The following PRKN variants were observed in gnomAD, a reference collection of about 807,000 sequenced individuals.
PRKN encodes E3 ubiquitin-protein ligase parkin.
Under a neutral mutation model 59.5 loss-of-function variants are expected in PRKN, and 56 were observed. The observed-to-expected ratio is 0.94, with a 90% CI of 0.76 to 1.18. The LOEUF (loss-of-function observed/expected upper bound fraction) is 1.18. Ranked by LOEUF, PRKN falls within the 50% of genes most tolerant of loss-of-function variation. The probability of loss-of-function intolerance (pLI) is 0.00; values close to 1 mark genes in which losing one functional copy is unlikely to be tolerated. For missense variants in PRKN, 657 were observed against 596.4 expected (o/e 1.10, Z -1.06); for synonymous variants, 250 against 222.1 (o/e 1.13, Z -1.12).
At chr6:162,590,161 T>C (rs182315936) in intron 1 of PRKN, among the ~76,000 whole-genome samples, 2 of 152,322 alleles carry the variant, frequency 1.3e-5, no homozygotes, top group East Asian at 3.9e-4. Flanking sequence ...ATAAAATTTA[T>C]ATGTTTTTAA....
chr6:162,704,920 T>G (rs960395587), intron 1 of PRKN, among the ~76,000 whole-genome samples: 1 of 152,178 alleles, frequency 6.6e-6, no homozygotes, highest in Non-Finnish European at 1.5e-5. Context: ...AGTCAAATAA[T>G]TTTGCTGCAT....
chr6:161,430,103 T>C (rs1788571403), intron 9 of PRKN, among the ~76,000 whole-genome samples: 1 of 152,222 alleles, frequency 6.6e-6, no homozygotes. Flanking sequence ...TTAGGGAATC[T>C]GAGTCTTTTA....
intron 5 of PRKN, among the ~76,000 whole-genome samples, chr6:162,028,796 G>C (rs905444707): frequency 5.9e-5 from 9 of 152,322 alleles, no homozygotes; most frequent in Admixed American, 4.6e-4. Context: ...GCAAAGCCAA[G>C]AGGGTGGCGT....
chr6:161,611,652 C>T (rs1316828494), intron 7 of PRKN, among the ~76,000 whole-genome samples: 2 of 152,138 alleles, frequency 1.3e-5, no homozygotes, highest in Non-Finnish European at 2.9e-5. Context: ...CCTGTCTTGC[C>T]CCTTCTCCTC....
At chr6:162,542,757 G>A (rs1354282696) in intron 1 of PRKN, among the ~76,000 whole-genome samples, 1 of 152,158 alleles carries the variant, frequency 6.6e-6, no homozygotes, top group Non-Finnish European at 1.5e-5. Context: ...CTTCCCTACT[G>A]ACTTGGAAGC....
intron 4 of PRKN, among the ~76,000 whole-genome samples, chr6:162,082,065 G>A (rs749854530): frequency 4.2e-4 from 64 of 152,184 alleles, no homozygotes; most frequent in Non-Finnish European, 7.1e-4. Context: ...GATCTGGTTT[G>A]GCTGTGTCCC....
chr6:161,381,537 G>T (rs1785985189), intron 10 of PRKN, among the ~76,000 whole-genome samples: 1 of 152,192 alleles, frequency 6.6e-6, no homozygotes, highest in South Asian at 2.1e-4. Flanking sequence ...CAAGCAAATG[G>T]TGGGTTTATT....
intron 1 of PRKN, among the ~76,000 whole-genome samples, chr6:162,650,493 G>T (rs1176345011): frequency 6.7e-6 from 1 of 150,000 alleles, no homozygotes; most frequent in Non-Finnish European, 1.5e-5. Flanking sequence ...AGCTACTTGG[G>T]AGGCTGAGGC....
At chr6:162,610,194 T>C (rs1782089591) in intron 1 of PRKN, among the ~76,000 whole-genome samples, 1 of 152,092 alleles carries the variant, frequency 6.6e-6, no homozygotes, top group African/African-American at 2.4e-5. Context: ...AGCACTGTTG[T>C]CCCCATTTAG....
chr6:161,824,706 C>A (rs567139385), intron 6 of PRKN, among the ~76,000 whole-genome samples: 1 of 152,244 alleles, frequency 6.6e-6, no homozygotes, highest in South Asian at 2.1e-4. Context: ...TAATGAACTG[C>A]GTGTAGCAAT....
At chr6:162,084,078 GTTT>G (rs1210540613) in intron 4 of PRKN, among the ~76,000 whole-genome samples, 1 of 151,972 alleles carries the variant, frequency 6.6e-6, no homozygotes, top group Non-Finnish European at 1.5e-5. Context: ...TGTTGATTTA[GTTT>G]TTGACAGAGG....
At chr6:162,236,471 A>G (rs1286347955) in intron 3 of PRKN, among the ~76,000 whole-genome samples, 1 of 152,074 alleles carries the variant, frequency 6.6e-6, no homozygotes, top group Admixed American at 6.6e-5. Context: ...AGTTCTTACT[A>G]GCTTGTTTAT....
intron 9 of PRKN, among the ~76,000 whole-genome samples, chr6:161,427,739 G>C (rs1413708453): frequency 3.3e-5 from 5 of 152,140 alleles, no homozygotes; most frequent in Non-Finnish European, 5.9e-5. Flanking sequence ...CAAATAGATA[G>C]ATAAAGTCAC....
intron 7 of PRKN, among the ~76,000 whole-genome samples, chr6:161,781,906 G>A (rs1387925921): frequency 1.3e-5 from 2 of 152,150 alleles, no homozygotes; most frequent in African/African-American, 2.4e-5. Context: ...CAAAGCAAAA[G>A]CCTTGCGGCT....
At chr6:161,899,693 A>T (rs946921822) in intron 6 of PRKN, among the ~76,000 whole-genome samples, 31 of 152,330 alleles carry the variant, frequency 2.0e-4, no homozygotes, top group African/African-American at 7.0e-4. Flanking sequence ...TACTTACCAA[A>T]CATACACTGT....
chr6:161,807,745 G>A lies in PRKN; in HGVS notation c.735-21837C>T, dbSNP rs147942316. Among the ~76,000 whole-genome samples, 137 of 152,094 alleles carry A rather than the reference G, an allele frequency of 9.0e-4. 1 individual carries two copies. The highest frequency in any genetic ancestry group is 3.0e-3 in the African/African-American group (126 of 41,474). On this transcript the variant is annotated intron_variant, in intron 6 of 11. Coordinates refer to ENST00000366898, the MANE Select transcript of PRKN (RefSeq NM_004562.3). ...CTTCCCTCTCCTCCCCTTGTCTCTCGTCCTATAAGGACACCAGTTAGATTT... is the reference window on the plus strand; with the variant it reads ...CTTCCCTCTCCTCCCCTTGTCTCTCATCCTATAAGGACACCAGTTAGATTT...
At chr6:161,874,992 A>AT (rs1299357092) in intron 6 of PRKN, among the ~76,000 whole-genome samples, 1 of 76,968 alleles carries the variant, frequency 1.3e-5, no homozygotes, top group Admixed American at 1.6e-4. Flanking sequence ...TATATACTTT[A>AT]TATATAATAT....
chr6:162,603,321 T>G (rs1252404418), intron 1 of PRKN, among the ~76,000 whole-genome samples: 1 of 152,144 alleles, frequency 6.6e-6, no homozygotes, highest in Non-Finnish European at 1.5e-5. Context: ...ACCAAAAAAG[T>G]TGAGGAAATA....
Position 161,806,563 on chromosome 6 carries a change from G to A in PRKN, c.735-20655C>T, listed in dbSNP as rs141387892. Among the ~76,000 whole-genome samples the A allele has an allele frequency of 8.4e-4, 128 of 152,210 alleles. 1 individual carries two copies. The South Asian group carries it at 8.5e-3, about 10-fold the overall frequency. On this transcript the variant is annotated intron_variant, in intron 6 of 11. Transcript: ENST00000366898. Reference sequence around the variant, plus strand: ...GAAGCACCTCACCAGGTCATCCCTCGAGGAGGCTGGAGAAGGAGGCAGCTC... The same window carrying A: ...GAAGCACCTCACCAGGTCATCCCTCAAGGAGGCTGGAGAAGGAGGCAGCTC...
Sources: gnomAD v4.1 joint callset for allele counts (sites outside exome capture counted in the v4.1 genomes callset) on GRCh38, gnomAD v4.1.1 for gene constraint, MANE v1.5 for transcripts, NCBI Gene and HGNC (gene_info 2026-07-23, HGNC 2026-07-21) for gene names.